ARHGAP18: variants seen among roughly 807,000 people sequenced by gnomAD.
ARHGAP18 encodes the protein rho GTPase-activating protein 18.
Under a neutral mutation model 86.2 loss-of-function variants are expected in ARHGAP18, and 67 were observed. The observed-to-expected ratio is 0.78, with a 90% CI of 0.64 to 0.95. The LOEUF is 0.95. Ranked by LOEUF, ARHGAP18 falls within the 40% of genes least tolerant of loss-of-function variation. The probability of loss-of-function intolerance (pLI) is 0.00; values close to 1 mark genes in which losing one functional copy is unlikely to be tolerated. For missense variants in ARHGAP18, 691 were observed against 780.4 expected (o/e 0.89, Z 1.37); for synonymous variants, 283 against 280.4 (o/e 1.01, Z -0.09).
At chr6:129,701,220 C>G (rs931076572) in intron 1 of ARHGAP18, among the ~76,000 whole-genome samples, 1 of 152,164 alleles carries the variant, frequency 6.6e-6, no homozygotes, top group South Asian at 2.1e-4. Context: ...AAACGTTACA[C>G]ATTTGATCTT....
rs181959450 is a variant in ARHGAP18, at chr6:129,582,173, G to T, written c.1838+1815C>A. ...AGCGGGATGAAGATACCCTGCTCTG[G>T]GGGTAGCAAATGCTTATTTAATACA... On this transcript the variant is annotated intron_variant, in intron 13 of 14. Coordinates refer to ENST00000368149, the MANE Select transcript of ARHGAP18 (RefSeq NM_033515.3). Among the ~76,000 whole-genome samples the T allele has an allele frequency of 6.6e-4, 99 of 150,372 alleles. 2 individuals are homozygous for T. Among genetic ancestry groups the T allele is most frequent in the Non-Finnish European group, 1.5e-4 (10 of 67,674 alleles).
At chr6:129,638,925 A>G (rs987639793) in intron 2 of ARHGAP18, among the ~76,000 whole-genome samples, 2 of 152,200 alleles carry the variant, frequency 1.3e-5, no homozygotes, top group African/African-American at 4.8e-5. Context: ...AGAGATAAGC[A>G]AAGAATAAAA....
chr6:129,585,354 T>C (rs1346370041), intron 12 of ARHGAP18, among the ~76,000 whole-genome samples: 3 of 152,120 alleles, frequency 2.0e-5, no homozygotes, highest in Non-Finnish European at 4.4e-5. Flanking sequence ...TGCCACTAAT[T>C]TGATTTCTTT....
At chr6:129,693,053 C>T (rs113076386) in intron 1 of ARHGAP18, among the ~76,000 whole-genome samples, 1,860 of 152,292 alleles carry the variant, frequency 0.012, 11 homozygotes, top group Middle Eastern at 0.034. Flanking sequence ...ACTTTAATGT[C>T]CTTCTGTCCC....
chr6:129,593,828 C>T (rs1488933592), intron 12 of ARHGAP18, among the ~76,000 whole-genome samples: 1 of 152,166 alleles, frequency 6.6e-6, no homozygotes, highest in African/African-American at 2.4e-5. Flanking sequence ...GGACCAAACA[C>T]TCAGTATGCT....
intron 1 of ARHGAP18, among the ~76,000 whole-genome samples, chr6:129,675,783 T>C (rs1044876330): frequency 6.6e-6 from 1 of 152,200 alleles, no homozygotes; most frequent in Non-Finnish European, 1.5e-5. Flanking sequence ...TTCCCCTCCA[T>C]ACGTCCCTAT....
At chr6:129,628,616 T>C (rs1773095955) in intron 5 of ARHGAP18, among the ~76,000 whole-genome samples, 1 of 152,204 alleles carries the variant, frequency 6.6e-6, no homozygotes, top group Non-Finnish European at 1.5e-5. Flanking sequence ...CTTCTGATGA[T>C]GCAATCGAAG....
At chr6:129,583,960 G>A in intron 13 of ARHGAP18, 28 bp downstream of exon 13, 1 of 1,608,754 alleles carries the variant, frequency 6.2e-7, no homozygotes, top group Non-Finnish European at 8.5e-7. Context: ...TTATGCCATG[G>A]CATAATTAAC....
At chr6:129,655,466 C>A (rs1216077283) in intron 1 of ARHGAP18, among the ~76,000 whole-genome samples, 1 of 152,024 alleles carries the variant, frequency 6.6e-6, no homozygotes, top group African/African-American at 2.4e-5. Flanking sequence ...TGTATCACAG[C>A]CATGGAAGCC....
Position 129,629,336 on chromosome 6 carries a change from A to C in ARHGAP18, c.786+17T>G, listed in dbSNP as rs1773136286. 6.2e-7 allele frequency: 1 copy of C among 1,607,868 alleles called. No individual in the cohort carries two copies. Among genetic ancestry groups the C allele is most frequent in the African/African-American group, 1.3e-5 (1 of 74,548 alleles). ...ATATGTACATATATGTATATTTATA[A>C]AGAGTGTACTACGTACAGGTAATGT... On this transcript the variant is annotated intron_variant, in intron 5 of 14. Transcript: ENST00000368149.
chr6:129,672,047 C>A (rs946309654), intron 1 of ARHGAP18, among the ~76,000 whole-genome samples: 1 of 152,100 alleles, frequency 6.6e-6, no homozygotes, highest in Non-Finnish European at 1.5e-5. Context: ...CAAACCATGA[C>A]AAAGTGGGTT....
At chr6:129,657,062 G>A (rs1773853148) in intron 1 of ARHGAP18, among the ~76,000 whole-genome samples, 1 of 152,050 alleles carries the variant, frequency 6.6e-6, no homozygotes, top group Non-Finnish European at 1.5e-5. Context: ...TTTTTCCATT[G>A]GGCCTTTTTC....
At chr6:129,629,709 G>A (rs560736596) in intron 4 of ARHGAP18, among the ~76,000 whole-genome samples, 187 bp from the exon 5 acceptor site, 1 of 152,176 alleles carries the variant, frequency 6.6e-6, no homozygotes, top group South Asian at 2.1e-4. Context: ...AAGTGGGCAG[G>A]GAGACTGTGG....
intron 1 of ARHGAP18, among the ~76,000 whole-genome samples, chr6:129,702,155 T>C (rs919368167): frequency 1.3e-5 from 2 of 152,236 alleles, no homozygotes; most frequent in African/African-American, 4.8e-5. Context: ...GAAATTCAGA[T>C]ACTTAGTGGA....
intron 1 of ARHGAP18, among the ~76,000 whole-genome samples, chr6:129,695,253 G>A (rs556854607): frequency 6.8e-6 from 1 of 147,438 alleles, no homozygotes; most frequent in East Asian, 2.0e-4. Context: ...AAGAAGTCCT[G>A]CAGTAAACTA....
intron 1 of ARHGAP18, among the ~76,000 whole-genome samples, chr6:129,681,192 C>G (rs1774319348): frequency 6.6e-6 from 1 of 152,196 alleles, no homozygotes; most frequent in Non-Finnish European, 1.5e-5. Flanking sequence ...ATTCTCCTGC[C>G]TCAGCCTCCT....
Position 129,625,532 on chromosome 6 carries a change from CATTATATATTATATATATTT to C in ARHGAP18, c.786+3801_786+3820del, listed in dbSNP as rs1789397440. Among the ~76,000 whole-genome samples the C allele has an allele frequency of 5.0e-5, 2 of 40,280 alleles. 1 individual carries two copies. The highest frequency in any genetic ancestry group is 9.1e-5 in the Non-Finnish European group (2 of 22,006). 26.4% of individuals were successfully genotyped at this position (40,280 alleles called of 152,430 possible). A position where few individuals can be genotyped will look rare whatever the true frequency, so the allele number is the denominator to read the frequency against. On this transcript the variant is annotated intron_variant, in intron 5 of 14. Coordinates refer to ENST00000368149, the MANE Select transcript of ARHGAP18 (RefSeq NM_033515.3). ...ATATATCATATATATTATAACTATA[CATTATATATTATATATATTT>C]ATTATATATTATATATCATTATACA...
intron 1 of ARHGAP18, among the ~76,000 whole-genome samples, chr6:129,662,944 C>T (rs1773980273): frequency 6.6e-6 from 1 of 152,130 alleles, no homozygotes; most frequent in Non-Finnish European, 1.5e-5. Flanking sequence ...TTATGCTGCC[C>T]AGTTGCTTCA....
chr6:129,618,686 C>T lies in ARHGAP18; in HGVS notation c.952+1G>A. On this transcript the variant is annotated splice_donor_variant, in intron 6 of 14. Transcript: ENST00000368149. LOFTEE classifies it high-confidence loss of function. ...CCAAGGGTTTATCATTTCATGATTACCTTTTGTTTTGATTTTCACAGCTTT... is the reference window on the plus strand; with the variant it reads ...CCAAGGGTTTATCATTTCATGATTATCTTTTGTTTTGATTTTCACAGCTTT... The T allele has an allele frequency of 1.2e-6, 2 of 1,601,042 alleles. No individual in the cohort carries two copies. The highest frequency in any genetic ancestry group is 1.7e-6 in the Non-Finnish European group (2 of 1,173,014).
Sources: allele counts gnomAD v4.1 joint callset (sites outside exome capture counted in the v4.1 genomes callset), GRCh38; gene constraint gnomAD v4.1.1; transcripts MANE v1.5; gene names NCBI Gene and HGNC (gene_info 2026-07-23, HGNC 2026-07-21).